Variants in SHISA9 observed in about 807,000 individuals in gnomAD.
The protein encoded by SHISA9 is shisa family member 9.
Under a neutral mutation model 38.0 loss-of-function variants are expected in SHISA9, and 13 were observed. The ratio of observed to expected loss-of-function variants is 0.34; its 90% CI spans 0.22 to 0.54. The LOEUF (loss-of-function observed/expected upper bound fraction) is 0.54, where lower values mean the gene tolerates loss of function less well. SHISA9 is among the 20% of genes least tolerant of loss of function. The pLI, the probability that SHISA9 is intolerant of heterozygous loss-of-function variation, is 0.91. For synonymous variants in SHISA9, 275 were observed against 242.0 expected (o/e 1.14, Z -1.27); for missense variants, 538 against 575.8 (o/e 0.93, Z 0.67).
At chr16:13,375,688 C>T in the SHISA9 span, among the ~76,000 whole-genome samples, 1 of 151,942 alleles carries the variant, frequency 6.6e-6, no homozygotes, top group South Asian at 2.1e-4. Flanking sequence ...AACAAAAAAA[C>T]AAAAAACTTA....
chr16:13,539,303 C>CAT, the SHISA9 span, among the ~76,000 whole-genome samples: 1,364 of 53,438 alleles, frequency 0.026, 169 homozygotes, highest in African/African-American at 0.07. Context: ...CTAAATTTTA[C>CAT]ATATATATAT....
chr16:13,335,341 A>G, the SHISA9 span, among the ~76,000 whole-genome samples: 5 of 152,312 alleles, frequency 3.3e-5, no homozygotes, highest in East Asian at 9.6e-4. Context: ...AGATAGATGG[A>G]GTAGGTTGTT....
At chr16:13,275,305 A>G in the SHISA9 span, among the ~76,000 whole-genome samples, 6 of 152,174 alleles carry the variant, frequency 3.9e-5, no homozygotes, top group Admixed American at 3.9e-4. Context: ...ATATAGAAAT[A>G]AAAGTTCAAC....
chr16:13,058,046 C>T (rs1274602864), intron 2 of SHISA9, among the ~76,000 whole-genome samples: 1 of 152,152 alleles, frequency 6.6e-6, no homozygotes, highest in Non-Finnish European at 1.5e-5. Context: ...TCTTAATCAA[C>T]AGTGCACCTC....
intron 2 of SHISA9, among the ~76,000 whole-genome samples, chr16:13,131,167 T>C (rs1412576062): frequency 6.6e-6 from 1 of 152,212 alleles, no homozygotes; most frequent in East Asian, 1.9e-4. Flanking sequence ...TGCATGTGTA[T>C]GTTCATTGCT....
intron 4 of SHISA9, among the ~76,000 whole-genome samples, chr16:13,228,995 A>G (rs2051305521): frequency 6.6e-6 from 1 of 152,132 alleles, no homozygotes; most frequent in African/African-American, 2.4e-5. Context: ...ACGCTTCTCT[A>G]CTGAAAATAC....
the SHISA9 span, among the ~76,000 whole-genome samples, chr16:13,274,839 C>T: frequency 2.6e-5 from 4 of 152,164 alleles, no homozygotes; most frequent in Non-Finnish European, 5.9e-5. Context: ...CACTAATTCC[C>T]TGCAGCAGAA....
At chr16:13,467,543 A>G in the SHISA9 span, among the ~76,000 whole-genome samples, 3 of 152,170 alleles carry the variant, frequency 2.0e-5, no homozygotes, top group Non-Finnish European at 2.9e-5. Context: ...TACGTGGCCT[A>G]TCATGTGATT....
chr16:13,492,578 G>T, the SHISA9 span, among the ~76,000 whole-genome samples: 2 of 152,264 alleles, frequency 1.3e-5, no homozygotes, highest in African/African-American at 2.4e-5. Context: ...GCTGCCAAAA[G>T]CATGTAGACT....
the SHISA9 span, among the ~76,000 whole-genome samples, chr16:13,268,176 C>T: frequency 6.6e-6 from 1 of 151,926 alleles, no homozygotes; most frequent in Non-Finnish European, 1.5e-5. Context: ...AAATGGGGGC[C>T]AGGGAGATGT....
the SHISA9 span, among the ~76,000 whole-genome samples, chr16:13,408,866 A>G: frequency 6.6e-6 from 1 of 152,344 alleles, no homozygotes; most frequent in African/African-American, 2.4e-5. Flanking sequence ...TACAGACAGG[A>G]GACAGGGAAA....
intron 2 of SHISA9, among the ~76,000 whole-genome samples, chr16:13,075,321 C>T (rs2073567781): frequency 6.6e-6 from 1 of 152,188 alleles, no homozygotes; most frequent in Non-Finnish European, 1.5e-5. Context: ...TCTCTAGCAC[C>T]TGGTGTCAGC....
rs925020167 is a variant in SHISA9, at chr16:13,052,959, C to CTTTTTT, written c.691+136161_691+136166dup. Among the ~76,000 whole-genome samples the CTTTTTT allele has an allele frequency of 1.9e-3, 205 of 106,046 alleles. 3 individuals carry two copies. Among genetic ancestry groups the CTTTTTT allele is most frequent in the African/African-American group, 4.6e-3 (121 of 26,172 alleles). 69.6% of individuals were successfully genotyped at this position (106,046 alleles called of 152,430 possible). A position where few individuals can be genotyped will look rare whatever the true frequency, so the allele number is the denominator to read the frequency against. Reference sequence around the variant, plus strand: ...CTTTAGGATCCCCTTTCCTTCCTTTCTTTTTTTTTTTTTTTTTTTTTTGAG... The same window carrying CTTTTTT: ...CTTTAGGATCCCCTTTCCTTCCTTTCTTTTTTTTTTTTTTTTTTTTTTTTTTTTGAG... On this transcript the variant is annotated intron_variant, in intron 2 of 4. Coordinates refer to ENST00000558583, the MANE Select transcript of SHISA9 (RefSeq NM_001145204.3).
chr16:13,026,671 C>G (rs951062884), intron 2 of SHISA9, among the ~76,000 whole-genome samples: 6 of 152,100 alleles, frequency 3.9e-5, no homozygotes, highest in Non-Finnish European at 2.9e-5. Flanking sequence ...GCAGCTGCAC[C>G]CTTTTATATT....
At chr16:13,382,745 C>G in the SHISA9 span, among the ~76,000 whole-genome samples, 1 of 151,320 alleles carries the variant, frequency 6.6e-6, no homozygotes, top group Non-Finnish European at 1.5e-5. Flanking sequence ...GTAATCCCAG[C>G]TACTCGGGAG....
intron 3 of SHISA9, among the ~76,000 whole-genome samples, chr16:13,209,163 A>G (rs1186930993): frequency 6.6e-6 from 1 of 152,170 alleles, no homozygotes; most frequent in African/African-American, 2.4e-5. Context: ...AGCCTGACAT[A>G]TGTCAGTCCT....
the SHISA9 span, among the ~76,000 whole-genome samples, chr16:13,283,305 G>C: frequency 6.6e-6 from 1 of 151,994 alleles, no homozygotes; most frequent in African/African-American, 2.4e-5. Context: ...TCTTATTTGG[G>C]TTTTCTTTTA....
chr16:12,917,062 C>T (rs141796699), intron 2 of SHISA9, among the ~76,000 whole-genome samples: 44 of 152,314 alleles, frequency 2.9e-4, no homozygotes, highest in African/African-American at 1.1e-3. Context: ...TAGCAGACTG[C>T]TCGACTGGTT....
At position 13,237,750 on chromosome 16, in the gene SHISA9, G is replaced by T. The variant is rs1424041698; in HGVS notation, c.*2341G>T. Reference sequence around the variant, plus strand: ...AAAGGTACCATGCTGTACAAAGCTGGGGTCAGAGATTTAGTGCCCACCTTC... The same window carrying T: ...AAAGGTACCATGCTGTACAAAGCTGTGGTCAGAGATTTAGTGCCCACCTTC... On this transcript the variant is annotated 3_prime_UTR_variant, in exon 5 of 5. Transcript: ENST00000558583. 6.6e-6 allele frequency: 1 copy of T among 152,006 alleles called. No homozygotes were observed. The highest frequency in any genetic ancestry group is 1.5e-5 in the Non-Finnish European group (1 of 67,996). 9.4% of individuals were successfully genotyped at this position (152,006 alleles called of 1,614,324 possible).
Sources: gnomAD v4.1 joint callset for allele counts (sites outside exome capture counted in the v4.1 genomes callset) on GRCh38, gnomAD v4.1.1 for gene constraint, MANE v1.5 for transcripts, NCBI Gene and HGNC (gene_info 2026-07-23, HGNC 2026-07-21) for gene names.